The following LRCH4 variants were observed in gnomAD, a reference collection of about 807,000 sequenced individuals.
The protein encoded by LRCH4 is leucine rich repeats and calponin homology domain containing 4, also known as leucine-rich repeat and calponin homology domain-containing protein 4.
A neutral mutation model predicts 81.2 loss-of-function variants in LRCH4; 56 were observed. That is an observed-to-expected ratio of 0.69 (90% CI 0.56 to 0.86). LRCH4 has a LOEUF of 0.86. Among genes scored for constraint, LRCH4 ranks in the 40% least tolerant of loss-of-function variants. The pLI, the probability that LRCH4 is intolerant of heterozygous loss-of-function variation, is 0.00. For missense variants in LRCH4, 895 were observed against 922.8 expected (o/e 0.97, Z 0.39); for synonymous variants, 442 against 409.7 (o/e 1.08, Z -0.95).
At position 100,577,535 on chromosome 7, in the gene LRCH4, G is replaced by A; in HGVS notation, c.1140C>T (p.Ser380=). 6.2e-7 allele frequency: 1 copy of A among 1,610,562 alleles called. No homozygotes were observed. The highest frequency in any genetic ancestry group is 8.5e-7 in the Non-Finnish European group (1 of 1,179,950). Residue 380 remains serine, a synonymous_variant, in exon 10 of 18, where the codon AGC becomes AGT. Coordinates refer to ENST00000310300, the MANE Select transcript of LRCH4 (RefSeq NM_002319.5). The surrounding 1 kb of genome is among the most constrained non-coding windows in gnomAD (Gnocchi z 6.7). ...CCCTCTCCCTGTCCCCTGCCCCAGG[G>A]CTTAATTCGGGTGGTCGCTGCTCCT... ...TVEEQRPPEL[S]PGAGDRERAP... is the part of the protein sequence containing the mutation.
rs1331428811 is a variant in LRCH4, at chr7:100,575,302, A to G, written c.1857T>C (p.Ala619=). The change falls in exon 18 of 18, where the codon GCT becomes GCC. Residue 619 remains alanine (A), a splice_region_variant and synonymous_variant. Transcript: ENST00000310300. This position sits in a 1 kb window ranked among gnomAD's most constrained non-coding sequence, Gnocchi z 5.3. ...EACRKMGVPE[A]DLCSPSDLLQ... ...GGAGATCCGAGGGCGAGCACAGGTC[A>G]GCCTGGGGGAGAGGAGAGCAGGTGG... is the stretch of plus-strand genomic sequence containing the variant. The G allele has an allele frequency of 1.9e-6, 3 of 1,541,230 alleles. No homozygotes were observed. Among genetic ancestry groups the G allele is most frequent in the East Asian group, 2.4e-5 (1 of 41,396 alleles).
chr7:100,577,289 C>T lies in LRCH4; in HGVS notation c.1279G>A (p.Ala427Thr), dbSNP rs765196008. 1.3e-5 allele frequency: 21 copies of T among 1,597,932 alleles called. No homozygotes were observed. The South Asian group carries it at 1.3e-4, about 10-fold the overall frequency. Reference protein sequence around the residue: ...RQQQQSGAWGAPRKDSLLKPG... With the variant: ...RQQQQSGAWGTPRKDSLLKPG... ...GGGTCCCACCTATCCTTCCTCGGGG[C>T]CCCCCACGCCCCGCTCTGCTGCTGC... The change falls in exon 11 of 18, where the codon GCC becomes ACC. Residue 427 changes from alanine to threonine, a missense_variant. Ala to Thr is a moderately conservative substitution (Grantham distance 58). This residue lies in a region of LRCH4 where 529 missense variants were observed against 504.9 expected (regional missense o/e 1.05). Transcript: ENST00000310300. The surrounding 1 kb of genome is among the most constrained non-coding windows in gnomAD (Gnocchi z 6.7).
rs1290603011 is a variant in LRCH4 at position 100,585,963 on chromosome 7, G to A, written c.138C>T (p.Thr46=). The A allele has an allele frequency of 9.3e-6, 15 of 1,612,500 alleles. No homozygotes were observed. The highest frequency in any genetic ancestry group is 1.2e-5 in the Non-Finnish European group (14 of 1,179,172). Residue 46 remains threonine (T), a synonymous_variant, in exon 1 of 18, where the codon ACC becomes ACT. Coordinates refer to ENST00000310300, the MANE Select transcript of LRCH4 (RefSeq NM_002319.5). ...TCAAGCGCCGGTTAGACAGGTTCAG[G>A]GTCCCGGTGGCCACGGCCTCCTCTA... ...RALEEAVATG[T]LNLSNRRLKH...
chr7:100,581,492 A>C, intron 4 of LRCH4: 1 of 355,740 alleles, frequency 2.8e-6, no homozygotes. Context: ...TGGAGCCCTC[A>C]TCAGTGAGAT....
Position 100,582,131 on chromosome 7 carries a change from G to T in LRCH4, c.402C>A (p.Cys134Ter). ...CGATGAGGACCCTCAGGGGCAGCTG[G>T]CAGATGTAGGGTGGCAGCAGCGACA... is the stretch of plus-strand genomic sequence containing the variant. ...NQLSLLPPYI[C>*]QLPLRVLIVS... Residue 134 changes from cysteine (C) to a stop codon, truncating the protein, a stop_gained, in exon 3 of 18, where the codon TGC (cysteine) becomes TGA (stop). Coordinates refer to ENST00000310300, the MANE Select transcript of LRCH4 (RefSeq NM_002319.5). LOFTEE classifies it high-confidence loss of function. This position sits in a 1 kb window ranked among gnomAD's most constrained non-coding sequence, Gnocchi z 5.0. 1 of 1,613,070 alleles carries T rather than the reference G, an allele frequency of 6.2e-7. No individual in the cohort carries two copies. The highest frequency in any genetic ancestry group is 8.5e-7 in the Non-Finnish European group (1 of 1,179,900).
At position 100,582,366 on chromosome 7, in the gene LRCH4, C is replaced by A; in HGVS notation, c.314G>T (p.Cys105Phe). ...GLSLYHNCLR[C>F]LNPALGNLTA... ...GAGATTCCCCAAGGCTGGGTTCAGG[C>A]ATCTCAGGCAATTGTGGTAGAGGCT... The change falls in exon 2 of 18, where the codon TGC becomes TTC. Residue 105 changes from cysteine to phenylalanine, a missense_variant. Cys to Phe is a radical substitution (Grantham distance 205). Around this residue, in one of 3 missense-constraint regions of LRCH4, gnomAD observed 360 missense variants for 397.0 expected, o/e 0.91. Coordinates refer to ENST00000310300, the MANE Select transcript of LRCH4 (RefSeq NM_002319.5). This position sits in a 1 kb window ranked among gnomAD's most constrained non-coding sequence, Gnocchi z 5.0. 2 of 1,614,142 alleles carry A rather than the reference C, an allele frequency of 1.2e-6. No homozygotes were observed. The highest frequency in any genetic ancestry group is 1.7e-6 in the Non-Finnish European group (2 of 1,180,024).
Position 100,577,522 on chromosome 7 carries a change from C to A in LRCH4, c.1153G>T (p.Asp385Tyr). The A allele has an allele frequency of 6.2e-7, 1 of 1,610,150 alleles. No individual in the cohort carries two copies. Among genetic ancestry groups the A allele is most frequent in the Non-Finnish European group, 8.5e-7 (1 of 1,179,936 alleles). ...RPPELSPGAG[D>Y]RERAPSSRRE... ...CTGCTGCTTGGTGCCCTCTCCCTGT[C>A]CCCTGCCCCAGGGCTTAATTCGGGT... The change falls in exon 10 of 18, where the codon GAC becomes TAC. Residue 385 changes from aspartate to tyrosine, a missense_variant. By Grantham distance (160) the Asp-to-Tyr change is radical. Transcript: ENST00000310300. The surrounding 1 kb of genome is among the most constrained non-coding windows in gnomAD (Gnocchi z 6.7).
Position 100,579,208 on chromosome 7 carries a change from C to T in LRCH4, c.599-422G>A, listed in dbSNP as rs543844463. On this transcript the variant is annotated intron_variant, in intron 4 of 17. Transcript: ENST00000310300. ...GCAGATGTTGAGCGGATTGTGGCCG[C>T]CCGGGAGTCCCCTTTCCCCAGCACG... 268 of 200,296 alleles carry T rather than the reference C, an allele frequency of 1.3e-3. 2 individuals are homozygous for T. Among genetic ancestry groups the T allele is most frequent in the African/African-American group, 6.0e-3 (256 of 42,916 alleles). The allele number at this position is 200,296 out of a possible 1,614,324, so 12.4% of individuals were successfully genotyped here. A position where few individuals can be genotyped will look rare whatever the true frequency, so the allele number is the denominator to read the frequency against.
intron 1 of LRCH4, chr7:100,584,147 C>T: frequency 2.2e-6 from 1 of 456,590 alleles, no homozygotes; most frequent in South Asian, 1.5e-5. Context: ...GTCCGGGCAG[C>T]AAGGCACTGA....
rs1314471855 is a variant in LRCH4 at position 100,575,960 on chromosome 7, C to T, written c.1687G>A (p.Ala563Thr). Residue 563 changes from alanine to threonine, a missense_variant, in exon 16 of 18, where the codon GCT becomes ACT. By Grantham distance (58) the Ala-to-Thr change is moderately conservative. This residue lies in a region of LRCH4 where 529 missense variants were observed against 504.9 expected (regional missense o/e 1.05). Transcript: ENST00000310300. This position sits in a 1 kb window ranked among gnomAD's most constrained non-coding sequence, Gnocchi z 5.3. ...QRPLPEDLAE[A>T]LASGVILCQL... ...CACAGGATGACCCCACTGGCCAGAG[C>T]CTCGGCCAGGTCCTCAGGCAGGGGC... The T allele has an allele frequency of 1.9e-6, 3 of 1,609,396 alleles. No individual in the cohort carries two copies. Among genetic ancestry groups the T allele is most frequent in the South Asian group, 1.1e-5 (1 of 90,810 alleles).
intron 4 of LRCH4, among the ~76,000 whole-genome samples, chr7:100,581,413 G>T (rs577233202): frequency 4.7e-4 from 72 of 152,320 alleles, no homozygotes; most frequent in African/African-American, 1.7e-3. Context: ...GTCCTCTGCT[G>T]AAATCCTAAC....
chr7:100,584,752 G>C (rs1002248734), intron 1 of LRCH4: 5 of 456,706 alleles, frequency 1.1e-5, no homozygotes, highest in Non-Finnish European at 2.2e-5. Flanking sequence ...AGAGGGAAGA[G>C]GATGTGTGCC....
intron 1 of LRCH4, 152 bp downstream of exon 1, chr7:100,585,729 G>A (rs1801716089): frequency 2.7e-6 from 2 of 734,256 alleles, no homozygotes; most frequent in African/African-American, 1.9e-5. Flanking sequence ...TCAAAGATGG[G>A]AGAGGATGGC....
chr7:100,576,079 G>T, intron 15 of LRCH4, 71 bp from the exon 16 acceptor site: 1 of 1,529,852 alleles, frequency 6.5e-7, no homozygotes, highest in Non-Finnish European at 8.8e-7. Context: ...AGAGTGGGGG[G>T]CTCAGGGCTA....
chr7:100,584,427 G>T (rs1388109420), intron 1 of LRCH4, among the ~76,000 whole-genome samples: 1 of 151,984 alleles, frequency 6.6e-6, no homozygotes, highest in African/African-American at 2.4e-5. Context: ...GGAGGAGGGG[G>T]CCGGGGGCGG....
chr7:100,584,558 G>A, intron 1 of LRCH4: 1 of 384,352 alleles, frequency 2.6e-6, no homozygotes, highest in Non-Finnish European at 5.2e-6. Flanking sequence ...AGGGGGAGGG[G>A]AAGGGAACAG....
At chr7:100,584,976 G>C in intron 1 of LRCH4, 2 of 357,430 alleles carry the variant, frequency 5.6e-6, no homozygotes, top group South Asian at 4.1e-5. Flanking sequence ...GCTGAGGCTT[G>C]ACTCACCTGT....
rs779761204 is a variant in LRCH4 at position 100,577,291 on chromosome 7, C to T, written c.1277G>A (p.Gly426Glu). 4.1e-5 allele frequency: 65 copies of T among 1,598,752 alleles called. No individual in the cohort carries two copies. Among genetic ancestry groups the T allele is most frequent in the Admixed American group, 1.5e-4 (9 of 59,632 alleles). Residue 426 changes from glycine to glutamate, a missense_variant, in exon 11 of 18, where the codon GGG (glycine) becomes GAG (glutamate). By Grantham distance (98) the Gly-to-Glu change is moderately conservative. Around this residue, in one of 3 missense-constraint regions of LRCH4, gnomAD observed 529 missense variants for 504.9 expected, o/e 1.05. Coordinates refer to ENST00000310300, the MANE Select transcript of LRCH4 (RefSeq NM_002319.5). The surrounding 1 kb of genome is among the most constrained non-coding windows in gnomAD (Gnocchi z 6.7). Reference protein sequence around the residue: ...RRQQQQSGAWGAPRKDSLLKP... With the variant: ...RRQQQQSGAWEAPRKDSLLKP... The stretch of plus-strand genomic sequence containing the variant: ...GTCCCACCTATCCTTCCTCGGGGCC[C>T]CCCACGCCCCGCTCTGCTGCTGCTG...
Position 100,575,548 on chromosome 7 carries a change from A to G in LRCH4, c.1854+157T>C, listed in dbSNP as rs780354117. The G allele has an allele frequency of 2.2e-5, 21 of 953,096 alleles. No individual in the cohort carries two copies. Among genetic ancestry groups the G allele is most frequent in the Non-Finnish European group, 3.6e-5 (21 of 586,644 alleles). 59.0% of individuals were successfully genotyped at this position (953,096 alleles called of 1,614,324 possible). ...GTGTAGGACAGGTGACATGCAGGGC[A>G]GGGGGCATGCAGGGCAGGGGGCATG... On this transcript the variant is annotated intron_variant, in intron 17 of 17. Coordinates refer to ENST00000310300, the MANE Select transcript of LRCH4 (RefSeq NM_002319.5). The surrounding 1 kb of genome is among the most constrained non-coding windows in gnomAD (Gnocchi z 5.3).
Sources: gnomAD v4.1 joint callset for allele counts (sites outside exome capture counted in the v4.1 genomes callset) on GRCh38, gnomAD v4.1.1 for gene constraint, gnomAD v4.1.1 regional missense constraint, Gnocchi (gnomAD v3.1) non-coding constraint, MANE v1.5 for transcripts, NCBI Gene and HGNC (gene_info 2026-07-23, HGNC 2026-07-21) for gene names.